LMO7: variants seen among roughly 807,000 people sequenced by gnomAD.
LMO7 encodes LIM domain 7.
A neutral mutation model predicts 206.5 loss-of-function variants in LMO7; 120 were observed. The observed-to-expected ratio is 0.58, with a 90% CI of 0.50 to 0.68. The LOEUF (loss-of-function observed/expected upper bound fraction) is 0.68. Among genes scored for constraint, LMO7 ranks in the 30% least tolerant of loss-of-function variants. The probability of loss-of-function intolerance (pLI) is 0.00; values close to 1 mark genes in which losing one functional copy is unlikely to be tolerated. For synonymous variants in LMO7, 706 were observed against 681.5 expected, an observed-to-expected ratio of 1.04 and a Z score of -0.56; for missense variants, 1,959 against 1,957.9, an observed-to-expected ratio of 1.00 and a Z score of -0.01.
At chr13:75,798,718 A>G (rs2054341412) in intron 6 of LMO7, among the ~76,000 whole-genome samples, 1 of 152,246 alleles carries the variant, frequency 6.6e-6, no homozygotes. Context: ...CTAACATAAA[A>G]TACCAATTAA....
At chr13:75,796,401 A>G (rs114641736) in intron 5 of LMO7, among the ~76,000 whole-genome samples, 1,564 of 152,258 alleles carry the variant, frequency 0.01, 30 homozygotes, top group African/African-American at 0.033. Context: ...ATGAATGACT[A>G]CCTTTTGGAG....
At position 75,732,888 on chromosome 13, in the gene LMO7, C is replaced by T. The variant is rs1297924167; in HGVS notation, c.210+5790C>T. 2.6e-5 allele frequency among the ~76,000 whole-genome samples: 4 copies of T among 152,324 alleles called. No homozygotes were observed. The South Asian group carries it at 6.2e-4, about 24-fold the overall frequency. On this transcript the variant is annotated intron_variant, in intron 3 of 30. Transcript: ENST00000377534. Reference sequence around the variant, plus strand: ...TCTGTTGGAGTTTGCTAGAGGTCCACTCCAGACCCTGTTTGCCTGGGTATC... The same window carrying T: ...TCTGTTGGAGTTTGCTAGAGGTCCATTCCAGACCCTGTTTGCCTGGGTATC...
At chr13:75,682,952 T>A (rs2139528142) in intron 1 of LMO7, among the ~76,000 whole-genome samples, 1 of 152,348 alleles carries the variant, frequency 6.6e-6, no homozygotes, top group East Asian at 1.9e-4. Flanking sequence ...TCCAGATTAT[T>A]TGTTTGCCCA....
intron 2 of LMO7, among the ~76,000 whole-genome samples, chr13:75,715,473 G>T (rs1186935260): frequency 6.6e-6 from 1 of 152,096 alleles, no homozygotes; most frequent in Admixed American, 6.5e-5. Flanking sequence ...TTTGGATTTT[G>T]TGCATTGCCA....
At chr13:75,713,082 C>T (rs1186546394) in intron 1 of LMO7, 100 bp from the exon 2 acceptor site, 2 of 745,132 alleles carry the variant, frequency 2.7e-6, no homozygotes, top group Non-Finnish European at 4.5e-6. Flanking sequence ...GCAAATCCTT[C>T]AAGTATAACA....
intron 1 of LMO7, among the ~76,000 whole-genome samples, chr13:75,689,436 CAT>C (rs780881957): frequency 7.2e-5 from 11 of 152,104 alleles, no homozygotes; most frequent in Non-Finnish European, 1.5e-4. Flanking sequence ...CAGTGTAGAG[CAT>C]ACTGTGATGG....
rs2061130592 is a variant in LMO7 at position 75,858,528 on chromosome 13, C to T, written c.*585C>T. ...GATGAAGGGAGCTCTATTTTCTTTA[C>T]CAGAAATGTTGCTAAGTAATTCCCA... On this transcript the variant is annotated 3_prime_UTR_variant, in exon 31 of 31. Transcript: ENST00000377534. 1 of 152,486 alleles carries T rather than the reference C, an allele frequency of 6.6e-6. No homozygotes were observed. Among genetic ancestry groups the T allele is most frequent in the South Asian group, 2.1e-4 (1 of 4,824 alleles). The allele number at this position is 152,486 out of a possible 1,614,324, so 9.4% of individuals were successfully genotyped here.
chr13:75,798,919 C>T (rs2054374145), intron 6 of LMO7, among the ~76,000 whole-genome samples: 1 of 152,222 alleles, frequency 6.6e-6, no homozygotes, highest in South Asian at 2.1e-4. Context: ...GAGTGTTGAA[C>T]TCTAAGGCCT....
chr13:75,698,681 C>A (rs551360801), intron 1 of LMO7, among the ~76,000 whole-genome samples: 2 of 148,160 alleles, frequency 1.3e-5, no homozygotes, highest in South Asian at 4.3e-4. Flanking sequence ...TGTTGAACTT[C>A]TTTTGTATAT....
intron 1 of LMO7, among the ~76,000 whole-genome samples, chr13:75,685,294 G>A (rs2040876828): frequency 6.6e-6 from 1 of 152,166 alleles, no homozygotes; most frequent in African/African-American, 2.4e-5. Flanking sequence ...TCTGTGAACT[G>A]TGCTGGCCTC....
intron 1 of LMO7, among the ~76,000 whole-genome samples, chr13:75,686,525 C>CT (rs1285269843): frequency 7.4e-4 from 71 of 95,690 alleles, no homozygotes; most frequent in African/African-American, 2.4e-3. Flanking sequence ...CCCTATCTTA[C>CT]CTTTTTTTTT....
At chr13:75,814,382 GCACATGCACACACAGACA>G (rs1211019216) in intron 11 of LMO7, among the ~76,000 whole-genome samples, 2 of 152,092 alleles carry the variant, frequency 1.3e-5, no homozygotes, top group Non-Finnish European at 2.9e-5. Flanking sequence ...ATCCAAACAT[GCACATGCACACACAGACA>G]CACATGCACT....
chr13:75,837,182 T>C (rs767423839), intron 19 of LMO7, among the ~76,000 whole-genome samples: 7 of 152,222 alleles, frequency 4.6e-5, no homozygotes, highest in Non-Finnish European at 7.3e-5. Context: ...TACATTTTCT[T>C]AAAGCCAACC....
At chr13:75,695,016 A>C (rs947452863) in intron 1 of LMO7, among the ~76,000 whole-genome samples, 2 of 151,730 alleles carry the variant, frequency 1.3e-5, no homozygotes, top group African/African-American at 4.8e-5. Context: ...CCTCCCACAC[A>C]CTCCGACACA....
intron 2 of LMO7, among the ~76,000 whole-genome samples, chr13:75,626,242 G>A (rs532320810): frequency 1.3e-5 from 2 of 152,032 alleles, no homozygotes; most frequent in Non-Finnish European, 2.9e-5. Flanking sequence ...AGACATACCC[G>A]AGACTGGGAA....
intron 1 of LMO7, among the ~76,000 whole-genome samples, chr13:75,708,946 G>T (rs570136470): frequency 6.7e-4 from 101 of 149,706 alleles, no homozygotes; most frequent in African/African-American, 2.4e-3. Flanking sequence ...ATCCCTCCCC[G>T]CTCCCCCCAC....
intron 5 of LMO7, 22 bp from the exon 6 acceptor site, chr13:75,796,614 C>T (rs761143859): frequency 4.3e-6 from 6 of 1,396,194 alleles, no homozygotes; most frequent in Non-Finnish European, 6.0e-6. Context: ...TCTTGTTGTT[C>T]ATGGATTTTT....
At chr13:75,804,254 G>T in intron 7 of LMO7, 35 bp from the exon 8 acceptor site, 1 of 1,596,660 alleles carries the variant, frequency 6.3e-7, no homozygotes, top group South Asian at 1.1e-5. Flanking sequence ...CGAATAATCT[G>T]GAGAGTAAAG....
intron 1 of LMO7, among the ~76,000 whole-genome samples, chr13:75,706,971 A>G (rs2042705183): frequency 6.6e-6 from 1 of 151,948 alleles, no homozygotes; most frequent in South Asian, 2.1e-4. Context: ...AATAATAAGG[A>G]TTATTAAATT....
Sources: gnomAD v4.1 joint callset for allele counts (sites outside exome capture counted in the v4.1 genomes callset) on GRCh38, gnomAD v4.1.1 for gene constraint, MANE v1.5 for transcripts, NCBI Gene and HGNC (gene_info 2026-07-23, HGNC 2026-07-21) for gene names.